Variants in GALNTL6 observed in about 807,000 individuals in gnomAD.
GALNTL6 encodes the protein polypeptide N-acetylgalactosaminyltransferase like 6.
A neutral mutation model predicts 73.7 loss-of-function variants in GALNTL6; 46 were observed. That is an observed-to-expected ratio of 0.62 (90% confidence interval 0.49 to 0.80). The LOEUF is 0.80. Ranked by LOEUF, GALNTL6 falls within the 30% of genes least tolerant of loss-of-function variation. GALNTL6 has a pLI of 0.00. For synonymous variants in GALNTL6, 259 were observed against 263.7 expected, an observed-to-expected ratio of 0.98 and a Z score of 0.17; for missense variants, 604 against 755.0, an observed-to-expected ratio of 0.80 and a Z score of 2.34.
At chr4:172,193,636 G>A (rs1159523370) in intron 2 of GALNTL6, among the ~76,000 whole-genome samples, 6 of 152,174 alleles carry the variant, frequency 3.9e-5, no homozygotes, top group Non-Finnish European at 7.3e-5. Context: ...GCCGAGGCGG[G>A]TGGATCATGA....
intron 2 of GALNTL6, among the ~76,000 whole-genome samples, chr4:172,135,719 T>C (rs767269312): frequency 5.9e-5 from 9 of 152,218 alleles, no homozygotes; most frequent in South Asian, 2.1e-4. Flanking sequence ...TAAATCACAG[T>C]TTCATTTTGA....
chr4:172,427,235 C>A (rs1369745289), intron 5 of GALNTL6, among the ~76,000 whole-genome samples: 1 of 152,120 alleles, frequency 6.6e-6, no homozygotes, highest in Admixed American at 6.6e-5. Flanking sequence ...ATTCACAGTT[C>A]CACATGGCTG....
intron 5 of GALNTL6, among the ~76,000 whole-genome samples, chr4:172,652,638 G>T (rs979577274): frequency 1.1e-4 from 16 of 151,654 alleles, no homozygotes; most frequent in African/African-American, 3.9e-4. Context: ...TGACAGGAAT[G>T]AAAAAAGAGG....
intron 5 of GALNTL6, among the ~76,000 whole-genome samples, chr4:172,399,672 G>A (rs553131123): frequency 3.9e-5 from 6 of 152,142 alleles, no homozygotes; most frequent in Non-Finnish European, 2.9e-5. Flanking sequence ...TCCTAGATAT[G>A]TGTTGCTTCA....
chr4:172,598,686 C>T (rs1737949815), intron 5 of GALNTL6, among the ~76,000 whole-genome samples: 1 of 151,910 alleles, frequency 6.6e-6, no homozygotes, highest in Admixed American at 6.6e-5. Flanking sequence ...ATCATCCAAA[C>T]ACATAAACAA....
chr4:172,102,957 C>T lies in GALNTL6; in HGVS notation c.139-126699C>T, dbSNP rs1028962821. Among the ~76,000 whole-genome samples, 3 of 152,180 alleles carry T rather than the reference C, an allele frequency of 2.0e-5. No homozygotes were observed. In the East Asian group the frequency reaches 5.8e-4, roughly 29 times the overall value. On this transcript the variant is annotated intron_variant, in intron 2 of 12. Coordinates refer to ENST00000506823, the MANE Select transcript of GALNTL6 (RefSeq NM_001034845.3). ...TGAGTTGGAGTGATGGGGAAAGTATCTTCAAAGTTTCTCTCTCTTCAGCAG... is the reference window on the plus strand; with the variant it reads ...TGAGTTGGAGTGATGGGGAAAGTATTTTCAAAGTTTCTCTCTCTTCAGCAG...
chr4:172,249,300 C>T (rs755884567), intron 3 of GALNTL6, among the ~76,000 whole-genome samples: 1 of 152,116 alleles, frequency 6.6e-6, no homozygotes, highest in Non-Finnish European at 1.5e-5. Context: ...AAACTTTGAA[C>T]TTGAGAGAGA....
intron 2 of GALNTL6, among the ~76,000 whole-genome samples, chr4:172,214,696 G>T (rs528729044): frequency 6.6e-6 from 1 of 151,888 alleles, no homozygotes; most frequent in East Asian, 1.9e-4. Context: ...TGTATTTTTA[G>T]TAGAGACAGG....
intron 5 of GALNTL6, among the ~76,000 whole-genome samples, chr4:172,779,256 C>A (rs1327367345): frequency 6.6e-6 from 1 of 152,142 alleles, no homozygotes. Flanking sequence ...GTGTCATGTG[C>A]AAGAGTGTGG....
chr4:172,603,188 A>C (rs999712179), intron 5 of GALNTL6, among the ~76,000 whole-genome samples: 5 of 152,214 alleles, frequency 3.3e-5, no homozygotes, highest in African/African-American at 1.2e-4. Context: ...TTTCATTTAA[A>C]ATGGGGAACA....
At chr4:172,492,365 T>G (rs1733928201) in intron 5 of GALNTL6, among the ~76,000 whole-genome samples, 1 of 152,134 alleles carries the variant, frequency 6.6e-6, no homozygotes, top group African/African-American at 2.4e-5. Context: ...CACACTTCTG[T>G]CAGCTTCAAA....
chr4:172,057,727 A>AATATATATATATAT (rs147660032), intron 2 of GALNTL6, among the ~76,000 whole-genome samples: 5 of 46,156 alleles, frequency 1.1e-4, no homozygotes, highest in South Asian at 9.2e-4. Flanking sequence ...AAAAAAAAAA[A>AATATATATATATAT]ATATATATAT....
rs75435510 is a variant in GALNTL6 at position 171,842,741 on chromosome 4, T to C, written c.138+28023T>C. The stretch of plus-strand genomic sequence containing the variant: ...CAAGGGAATGGTACTAAGCCATTTA[T>C]AAGGAATCCACCCCCATGATTCAAT... On this transcript the variant is annotated intron_variant, in intron 2 of 12. Transcript: ENST00000506823. Among the ~76,000 whole-genome samples the C allele has an allele frequency of 1.8e-3, 279 of 152,172 alleles. 5 individuals carry two copies. In the East Asian group the frequency reaches 0.041, roughly 23 times the overall value.
chr4:171,973,937 T>C (rs1313504202), intron 2 of GALNTL6, among the ~76,000 whole-genome samples: 1 of 152,222 alleles, frequency 6.6e-6, no homozygotes, highest in Non-Finnish European at 1.5e-5. Context: ...AATTCTGTTT[T>C]AGACTATAAA....
At chr4:172,298,578 G>C (rs910611130) in intron 3 of GALNTL6, among the ~76,000 whole-genome samples, 2 of 152,204 alleles carry the variant, frequency 1.3e-5, no homozygotes, top group East Asian at 3.9e-4. Flanking sequence ...TAGCATGAAG[G>C]GCTGTTGAAT....
intron 5 of GALNTL6, among the ~76,000 whole-genome samples, chr4:172,417,093 A>G (rs1289952816): frequency 6.6e-6 from 1 of 152,186 alleles, no homozygotes; most frequent in Non-Finnish European, 1.5e-5. Flanking sequence ...TTATAGATGA[A>G]GTATATAAAA....
intron 2 of GALNTL6, among the ~76,000 whole-genome samples, chr4:172,130,410 T>A (rs914894670): frequency 6.6e-6 from 1 of 151,992 alleles, no homozygotes; most frequent in Non-Finnish European, 1.5e-5. Context: ...GTGCCTATAT[T>A]TTTGTTCATA....
intron 2 of GALNTL6, among the ~76,000 whole-genome samples, chr4:172,077,904 G>C (rs983466241): frequency 2.0e-5 from 3 of 152,116 alleles, no homozygotes; most frequent in Non-Finnish European, 4.4e-5. Flanking sequence ...GGGCTCAGGG[G>C]CTCTGTGCAA....
At chr4:172,386,991 T>C (rs1004166270) in intron 5 of GALNTL6, among the ~76,000 whole-genome samples, 7 of 152,156 alleles carry the variant, frequency 4.6e-5, no homozygotes, top group Admixed American at 1.3e-4. Context: ...CAATGCCTAT[T>C]GAAGCATTAA....
Sources: gnomAD v4.1 joint callset for allele counts (sites outside exome capture counted in the v4.1 genomes callset) on GRCh38, gnomAD v4.1.1 for gene constraint, MANE v1.5 for transcripts, NCBI Gene and HGNC (gene_info 2026-07-23, HGNC 2026-07-21) for gene names.